MPP7: variants seen among roughly 807,000 people sequenced by gnomAD.
MPP7 encodes the protein MAGUK p55 subfamily member 7.
MPP7 carries 60 observed loss-of-function variants against 76.5 expected under a neutral mutation model. The observed-to-expected ratio is 0.78, with a 90% CI of 0.64 to 0.97. The LOEUF is 0.97. Among genes scored for constraint, MPP7 ranks in the 50% least tolerant of loss-of-function variants. The pLI is 0.00. For missense variants in MPP7, 641 were observed against 694.0 expected (o/e 0.92, Z 0.86); for synonymous variants, 237 against 244.5 (o/e 0.97, Z 0.29).
chr10:28,134,266 G>C (rs1835287310), intron 5 of MPP7, among the ~76,000 whole-genome samples: 1 of 152,026 alleles, frequency 6.6e-6, no homozygotes, highest in African/African-American at 2.4e-5. Flanking sequence ...TTCTTAAAAT[G>C]AATGAGAACG....
chr10:28,262,233 A>ATATATATG, intron 1 of MPP7, among the ~76,000 whole-genome samples: 1 of 76,462 alleles, frequency 1.3e-5, no homozygotes, highest in African/African-American at 7.0e-5. Flanking sequence ...ATACATATAT[A>ATATATATG]TATATATATA....
intron 2 of MPP7, among the ~76,000 whole-genome samples, chr10:28,237,964 T>A (rs1002842988): frequency 1.3e-5 from 2 of 151,924 alleles, no homozygotes; most frequent in African/African-American, 4.8e-5. Context: ...TATGTACACA[T>A]GTGTGTGTGT....
intron 2 of MPP7, among the ~76,000 whole-genome samples, chr10:28,233,677 C>T (rs1328251383): frequency 1.4e-5 from 2 of 148,134 alleles, no homozygotes; most frequent in Non-Finnish European, 3.0e-5. Flanking sequence ...TAGACAGCGC[C>T]ACTGCATTCC....
chr10:28,074,818 T>C (rs1253109881), intron 12 of MPP7, among the ~76,000 whole-genome samples: 2 of 152,220 alleles, frequency 1.3e-5, no homozygotes, highest in African/African-American at 4.8e-5. Flanking sequence ...GCCCTTCATG[T>C]TTCCACTTTC....
intron 1 of MPP7, among the ~76,000 whole-genome samples, chr10:28,248,060 C>A (rs181128684): frequency 1.3e-5 from 2 of 152,032 alleles, no homozygotes; most frequent in Non-Finnish European, 2.9e-5. Flanking sequence ...TATGTAAAGA[C>A]GGAGCAAAAA....
chr10:28,261,567 G>A (rs1025876008), intron 1 of MPP7, among the ~76,000 whole-genome samples: 1 of 152,136 alleles, frequency 6.6e-6, no homozygotes, highest in Non-Finnish European at 1.5e-5. Flanking sequence ...TACATACCTA[G>A]GCAGCACAGC....
chr10:28,132,595 A>AT (rs1315458295), intron 5 of MPP7, among the ~76,000 whole-genome samples: 2 of 151,568 alleles, frequency 1.3e-5, no homozygotes, highest in Middle Eastern at 3.4e-3. Context: ...ATGCCCAGCT[A>AT]TTTTTTTTAT....
intron 3 of MPP7, among the ~76,000 whole-genome samples, chr10:28,194,004 TTTTG>T (rs985615563): frequency 4.8e-4 from 73 of 152,130 alleles, no homozygotes; most frequent in African/African-American, 1.6e-3. Context: ...GGCAGCTTCT[TTTTG>T]TTTGTTTGTT....
Position 28,238,741 on chromosome 10 carries a change from A to C in MPP7, c.-131-6T>G. The C allele has an allele frequency of 1.3e-6, 1 of 770,214 alleles. No homozygotes were observed. The highest frequency in any genetic ancestry group is 2.1e-6 in the Non-Finnish European group (1 of 467,426). 47.7% of individuals were successfully genotyped at this position (770,214 alleles called of 1,614,324 possible). A position where few individuals can be genotyped will look rare whatever the true frequency, so the allele number is the denominator to read the frequency against. ...GTATATTTTGTAAGCCGTTTCTAGA[A>C]AGGAAAGAAACATTTATATTTTTTA... On this transcript the variant is annotated splice_polypyrimidine_tract_variant and splice_region_variant and intron_variant, in intron 1 of 16. Transcript: ENST00000683449.
At chr10:28,277,456 G>C (rs1294473188) in intron 1 of MPP7, among the ~76,000 whole-genome samples, 2 of 151,926 alleles carry the variant, frequency 1.3e-5, no homozygotes, top group African/African-American at 4.8e-5. Flanking sequence ...TTAGGAATTT[G>C]TGTTGGGCCA....
intron 1 of MPP7, among the ~76,000 whole-genome samples, chr10:28,263,709 G>A (rs995457972): frequency 1.3e-5 from 2 of 152,246 alleles, no homozygotes; most frequent in Middle Eastern, 3.4e-3. Flanking sequence ...AGAGAGGAGC[G>A]GCATATCTCA....
At chr10:28,101,733 A>G (rs563563738) in intron 11 of MPP7, among the ~76,000 whole-genome samples, 1 of 152,278 alleles carries the variant, frequency 6.6e-6, no homozygotes, top group Admixed American at 6.5e-5. Context: ...TGAATTAACC[A>G]GAGGAAAACA....
At chr10:28,201,515 TTC>T (rs1365641126) in intron 3 of MPP7, among the ~76,000 whole-genome samples, 1 of 152,194 alleles carries the variant, frequency 6.6e-6, no homozygotes, top group Non-Finnish European at 1.5e-5. Flanking sequence ...AAGCTTCTTG[TTC>T]TCATTTTACT....
At chr10:28,330,482 T>G (rs891419765) in intron 1 of MPP7, among the ~76,000 whole-genome samples, 1 of 84,532 alleles carries the variant, frequency 1.2e-5, no homozygotes, top group African/African-American at 9.7e-5. Context: ...ATTTTTAGAC[T>G]TTTTTAAAAA....
intron 6 of MPP7, 97 bp from the exon 7 acceptor site, chr10:28,125,188 C>A (rs1420851083): frequency 1.2e-5 from 13 of 1,065,948 alleles, no homozygotes; most frequent in African/African-American, 1.6e-5. Context: ...AAAGAGAAAA[C>A]AACTACAAAA....
intron 1 of MPP7, chr10:28,280,176 A>G (rs1840626003): frequency 6.6e-6 from 1 of 152,076 alleles, no homozygotes; most frequent in African/African-American, 2.4e-5. Flanking sequence ...ATTACTGTGT[A>G]CCTGCTCTAG....
At chr10:28,296,070 A>T (rs1260963291) in intron 1 of MPP7, among the ~76,000 whole-genome samples, 1 of 152,232 alleles carries the variant, frequency 6.6e-6, no homozygotes, top group Admixed American at 6.5e-5. Context: ...ATAAAATTGA[A>T]GATTAAGGAG....
intron 1 of MPP7, among the ~76,000 whole-genome samples, chr10:28,302,353 T>C (rs905924425): frequency 6.6e-6 from 1 of 152,184 alleles, no homozygotes; most frequent in Non-Finnish European, 1.5e-5. Context: ...AGTAAATAAA[T>C]AATGCTATCG....
rs765153903 is a variant in MPP7, at chr10:28,276,675, C to T, written c.-132+26186G>A. 7.9e-5 allele frequency among the ~76,000 whole-genome samples: 12 copies of T among 152,008 alleles called. 1 individual carries two copies. The highest frequency in any genetic ancestry group is 2.2e-4 in the African/African-American group (9 of 41,306). ...TTTTCAGGAGCGCAAGTCATGCACA[C>T]GTAGGTTTGATATGAAGGGAGAAGA... On this transcript the variant is annotated intron_variant, in intron 1 of 16. Coordinates refer to ENST00000683449, the MANE Select transcript of MPP7 (RefSeq NM_001318170.2).
Sources: gnomAD v4.1 joint callset for allele counts (sites outside exome capture counted in the v4.1 genomes callset) on GRCh38, gnomAD v4.1.1 for gene constraint, MANE v1.5 for transcripts, NCBI Gene and HGNC (gene_info 2026-07-23, HGNC 2026-07-21) for gene names.